Variants in ZGRF1 observed in about 807,000 individuals in gnomAD.
ZGRF1 encodes the protein 5'-3' DNA helicase ZGRF1.
ZGRF1 carries 196 observed loss-of-function variants against 203.5 expected under a neutral mutation model. That is an observed-to-expected ratio of 0.96 (90% CI 0.86 to 1.08). ZGRF1 has a LOEUF of 1.08. Ranked by LOEUF, ZGRF1 falls within the 50% of genes least tolerant of loss-of-function variation. ZGRF1 has a pLI of 0.00. For synonymous variants in ZGRF1, 809 were observed against 841.3 expected, an observed-to-expected ratio of 0.96 and a Z score of 0.66; for missense variants, 2,326 against 2,416.3, an observed-to-expected ratio of 0.96 and a Z score of 0.78.
At position 112,617,495 on chromosome 4, in the gene ZGRF1, A is replaced by G; in HGVS notation, c.2547T>C (p.Asn849=). ...LDSLEILKKK[N]TVFQQGTQQT... is the part of the protein sequence containing the mutation. ...GTTGAGTTCCTTGCTGAAAGACAGT[A>G]TTTTTCTTTTTCAATATTTCCAAGC... The change falls in exon 6 of 28, where the codon AAT becomes AAC. Residue 849 remains asparagine (N), a synonymous_variant. Transcript: ENST00000505019. The G allele has an allele frequency of 1.3e-6, 2 of 1,598,248 alleles. No homozygotes were observed. The highest frequency in any genetic ancestry group is 8.5e-7 in the Non-Finnish European group (1 of 1,175,232).
At position 112,625,280 on chromosome 4, in the gene ZGRF1, C is replaced by A. The variant is rs530403187; in HGVS notation, c.103-1404G>T. 2.0e-5 allele frequency among the ~76,000 whole-genome samples: 3 copies of A among 149,632 alleles called. No individual in the cohort carries two copies. In the South Asian group the frequency reaches 6.4e-4, roughly 32 times the overall value. ...ATCCAGCCTGGGTGACAGAGCAAGA[C>A]CCTGTCTATTTAAAAAAAGAAAATC... On this transcript the variant is annotated intron_variant, in intron 3 of 27. Transcript: ENST00000505019.
chr4:112,546,531 A>G lies in ZGRF1; in HGVS notation c.5598+754T>C, dbSNP rs183416688. On this transcript the variant is annotated intron_variant, in intron 24 of 27. Transcript: ENST00000505019. ...TCATGTGTTGGAAACTTCATCCCCA[A>G]TGCAACAGTGTTGAGAGGTGGGACT... Among the ~76,000 whole-genome samples the G allele has an allele frequency of 2.0e-4, 31 of 152,336 alleles. No individual in the cohort carries two copies. The Middle Eastern group carries it at 0.01, about 50-fold the overall frequency.
chr4:112,633,261 T>C lies in ZGRF1; in HGVS notation c.-66-19A>G, dbSNP rs959673446. 2 of 1,129,082 alleles carry C rather than the reference T, an allele frequency of 1.8e-6. No homozygotes were observed. The highest frequency in any genetic ancestry group is 2.6e-6 in the Non-Finnish European group (2 of 768,720). 69.9% of individuals were successfully genotyped at this position (1,129,082 alleles called of 1,614,324 possible). A position where few individuals can be genotyped will look rare whatever the true frequency, so the allele number is the denominator to read the frequency against. On this transcript the variant is annotated intron_variant, in intron 1 of 27. Coordinates refer to ENST00000505019, the MANE Select transcript of ZGRF1 (RefSeq NM_018392.5). ...ATACCACCTAAAATTAAAAATGACA[T>C]AAAATTTCAACCCTGATTTTTAAAA...
chr4:112,558,865 A>G (rs931058681), intron 19 of ZGRF1, among the ~76,000 whole-genome samples: 3 of 152,230 alleles, frequency 2.0e-5, no homozygotes, highest in African/African-American at 7.2e-5. Context: ...ATGGTAAGTA[A>G]TATTATCTTG....
intron 8 of ZGRF1, among the ~76,000 whole-genome samples, chr4:112,608,542 C>G (rs1751104550): frequency 6.6e-6 from 1 of 152,118 alleles, no homozygotes; most frequent in South Asian, 2.1e-4. Flanking sequence ...ATTGCTTGAA[C>G]CCAGGAGGCG....
At chr4:112,620,863 CAAAAA>C (rs554450313) in intron 4 of ZGRF1, among the ~76,000 whole-genome samples, 1 of 61,754 alleles carries the variant, frequency 1.6e-5, no homozygotes, top group Non-Finnish European at 3.4e-5. Flanking sequence ...GACCCTGTCT[CAAAAA>C]AAAAAAAAAA....
chr4:112,615,690 A>G lies in ZGRF1; in HGVS notation c.2602+1750T>C, dbSNP rs1432857015. On this transcript the variant is annotated intron_variant, in intron 6 of 27. Transcript: ENST00000505019. ...TTCACTCTTGTTGCCCAGGAGCACA[A>G]TGGCATGATCTCGGCTCACTGCAAC... Among the ~76,000 whole-genome samples, 4 of 149,970 alleles carry G rather than the reference A, an allele frequency of 2.7e-5. No homozygotes were observed. The South Asian group carries it at 8.4e-4, about 32-fold the overall frequency.
In ZGRF1 at chr4:112,620,913, T is replaced by C. The variant is rs528010226; in HGVS notation, c.163-723A>G. 2.0e-3 allele frequency among the ~76,000 whole-genome samples: 298 copies of C among 151,240 alleles called. 9 individuals carry two copies. The East Asian group carries it at 0.047, about 24-fold the overall frequency. ...CAGGCATGGTGGCATGTTCCTACAG[T>C]CTCAGCTACTTGAAAGGCTGAGGTG... On this transcript the variant is annotated intron_variant, in intron 4 of 27. Coordinates refer to ENST00000505019, the MANE Select transcript of ZGRF1 (RefSeq NM_018392.5).
In ZGRF1 at chr4:112,589,765, G is replaced by A. The variant is rs1034054525; in HGVS notation, c.3086C>T (p.Ala1029Val). ...MVEFSETSLK[A>V]RTLPDDLHFL... Reference sequence around the variant, plus strand: ...ATGAAGATCATCAGGTAAAGTTCTTGCTTTCAGGGACGTCTCAGAGAATTC... The same window carrying A: ...ATGAAGATCATCAGGTAAAGTTCTTACTTTCAGGGACGTCTCAGAGAATTC... The change falls in exon 11 of 28, where the codon GCA (alanine) becomes GTA (valine). Residue 1029 changes from alanine to valine, a missense_variant. Physicochemically the swap from Ala to Val is moderately conservative, Grantham distance 64 (BLOSUM62 0). Coordinates refer to ENST00000505019, the MANE Select transcript of ZGRF1 (RefSeq NM_018392.5). 6.2e-7 allele frequency: 1 copy of A among 1,613,882 alleles called. No individual in the cohort carries two copies. Among genetic ancestry groups the A allele is most frequent in the African/African-American group, 1.3e-5 (1 of 75,044 alleles).
chr4:112,551,020 T>C (rs973532862), intron 22 of ZGRF1, among the ~76,000 whole-genome samples: 1 of 152,182 alleles, frequency 6.6e-6, no homozygotes, highest in African/African-American at 2.4e-5. Flanking sequence ...ATAGTATATA[T>C]AGTTTTCTGA....
intron 1 of ZGRF1, among the ~76,000 whole-genome samples, chr4:112,634,998 C>T (rs945687915): frequency 6.6e-6 from 1 of 151,562 alleles, no homozygotes; most frequent in African/African-American, 2.4e-5. Flanking sequence ...GGCATGGTGG[C>T]ACAGGCCTGT....
chr4:112,561,273 T>C (rs533202787), intron 18 of ZGRF1: 14 of 337,212 alleles, frequency 4.2e-5, no homozygotes, highest in Non-Finnish European at 5.7e-5. Context: ...CACTAGGAAA[T>C]AGTTAGTTAA....
At chr4:112,547,552 T>G (rs764252945) in intron 23 of ZGRF1, 144 bp from the exon 24 acceptor site, 6 of 707,956 alleles carry the variant, frequency 8.5e-6, no homozygotes, top group Non-Finnish European at 1.3e-5. Flanking sequence ...GTAGTGCTAT[T>G]AAGCGCATTA....
intron 10 of ZGRF1, 75 bp from the exon 11 acceptor site, chr4:112,589,949 A>C: frequency 9.6e-7 from 1 of 1,037,140 alleles, no homozygotes; most frequent in South Asian, 2.0e-5. Context: ...GAATTCTAGT[A>C]ATCTATATTA....
chr4:112,595,219 G>C (rs1748802164), intron 10 of ZGRF1, among the ~76,000 whole-genome samples: 1 of 152,230 alleles, frequency 6.6e-6, no homozygotes, highest in South Asian at 2.1e-4. Flanking sequence ...GCCTGTACAT[G>C]TGCAAATGTA....
chr4:112,612,751 C>CTGT (rs1393281032), intron 6 of ZGRF1, among the ~76,000 whole-genome samples, 163 bp from the exon 7 acceptor site: 1 of 152,094 alleles, frequency 6.6e-6, no homozygotes, highest in African/African-American at 2.4e-5. Flanking sequence ...ATTCACTGTA[C>CTGT]TGTTCTCTGT....
At chr4:112,600,510 G>A (rs1184257107) in intron 10 of ZGRF1, among the ~76,000 whole-genome samples, 2 of 152,074 alleles carry the variant, frequency 1.3e-5, no homozygotes, top group Non-Finnish European at 2.9e-5. Context: ...TGGCCAACAT[G>A]GTGAAACCCC....
At chr4:112,605,296 G>A (rs1270088739) in intron 9 of ZGRF1, among the ~76,000 whole-genome samples, 1 of 152,130 alleles carries the variant, frequency 6.6e-6, no homozygotes, top group Non-Finnish European at 1.5e-5. Context: ...GAGTAGCTGG[G>A]ACTACAGGTG....
At chr4:112,636,451 C>G (rs942167310) in intron 1 of ZGRF1, among the ~76,000 whole-genome samples, 1 of 151,924 alleles carries the variant, frequency 6.6e-6, no homozygotes, top group Non-Finnish European at 1.5e-5. Context: ...CTAAATAGTT[C>G]GGATAACAAA....
Sources: gnomAD v4.1 joint callset for allele counts (sites outside exome capture counted in the v4.1 genomes callset) on GRCh38, gnomAD v4.1.1 for gene constraint, MANE v1.5 for transcripts, NCBI Gene and HGNC (gene_info 2026-07-23, HGNC 2026-07-21) for gene names.